Variants in CFAP299 observed in about 807,000 individuals in gnomAD.
CFAP299 encodes the protein cilia and flagella associated protein 299.
Under a neutral mutation model 27.0 loss-of-function variants are expected in CFAP299, and 21 were observed. That is an observed-to-expected ratio of 0.78 (90% confidence interval 0.55 to 1.12). The LOEUF (loss-of-function observed/expected upper bound fraction) is 1.12, where lower values mean the gene tolerates loss of function less well. Among genes scored for constraint, CFAP299 ranks in the 50% most tolerant of loss-of-function variants. The pLI, the probability that CFAP299 is intolerant of heterozygous loss-of-function variation, is 0.00. For missense variants in CFAP299, 310 were observed against 276.6 expected (o/e 1.12, Z -0.86); for synonymous variants, 104 against 98.1 (o/e 1.06, Z -0.36).
At chr4:80,861,640 G>T (rs976017876) in intron 3 of CFAP299, among the ~76,000 whole-genome samples, 36 of 152,218 alleles carry the variant, frequency 2.4e-4, no homozygotes, top group African/African-American at 7.7e-4. Flanking sequence ...GTTTTGCTTA[G>T]AATTTCAGCA....
At chr4:80,512,163 TA>T (rs1006036542) in intron 2 of CFAP299, among the ~76,000 whole-genome samples, 3 of 152,102 alleles carry the variant, frequency 2.0e-5, no homozygotes, top group South Asian at 2.1e-4. Flanking sequence ...GAGGAAATAG[TA>T]AAAAATCAAT....
intron 1 of CFAP299, among the ~76,000 whole-genome samples, chr4:80,347,699 A>G (rs114759030): frequency 0.012 from 1,902 of 152,326 alleles, 37 homozygotes; most frequent in African/African-American, 0.041. Context: ...AAAAATGGCC[A>G]TGCTGCCCAA....
chr4:80,683,465 T>C (rs955024615), intron 3 of CFAP299, among the ~76,000 whole-genome samples: 3 of 152,228 alleles, frequency 2.0e-5, no homozygotes, highest in African/African-American at 7.2e-5. Flanking sequence ...CTGATATTTA[T>C]TTTATAACAT....
chr4:80,691,740 G>A (rs974538252), intron 3 of CFAP299, among the ~76,000 whole-genome samples: 7 of 150,688 alleles, frequency 4.6e-5, no homozygotes, highest in South Asian at 2.1e-4. Flanking sequence ...ATTAGGAAAA[G>A]AGGAAGTCAA....
intron 1 of CFAP299, among the ~76,000 whole-genome samples, chr4:80,356,270 T>C (rs1265513587): frequency 6.6e-6 from 1 of 152,246 alleles, no homozygotes; most frequent in Non-Finnish European, 1.5e-5. Context: ...GGTACCGTGA[T>C]GCCTCCAGCT....
At chr4:80,834,716 C>T (rs1052559400) in intron 3 of CFAP299, among the ~76,000 whole-genome samples, 6 of 152,072 alleles carry the variant, frequency 3.9e-5, no homozygotes, top group East Asian at 1.9e-4. Context: ...TCCTGGTAGT[C>T]GGCGGACAGG....
At chr4:80,355,448 C>T (rs559050685) in intron 1 of CFAP299, among the ~76,000 whole-genome samples, 2 of 148,682 alleles carry the variant, frequency 1.3e-5, no homozygotes, top group South Asian at 4.3e-4. Flanking sequence ...ACCTCCGCCT[C>T]CCGGGTTCGA....
intron 3 of CFAP299, among the ~76,000 whole-genome samples, chr4:80,769,389 A>G (rs1414254824): frequency 1.3e-5 from 2 of 152,052 alleles, no homozygotes; most frequent in Non-Finnish European, 1.5e-5. Flanking sequence ...AATGGCTTAT[A>G]TAATTCCTAT....
intron 2 of CFAP299, among the ~76,000 whole-genome samples, chr4:80,508,286 AAT>A (rs1376217280): frequency 6.6e-6 from 1 of 152,130 alleles, no homozygotes; most frequent in Non-Finnish European, 1.5e-5. Flanking sequence ...TCAATGATAA[AAT>A]TGTGCTATAC....
chr4:80,559,063 G>A (rs1359831330), intron 2 of CFAP299, among the ~76,000 whole-genome samples: 1 of 152,160 alleles, frequency 6.6e-6, no homozygotes, highest in Admixed American at 6.6e-5. Flanking sequence ...CTTGGCTGGG[G>A]TAGCTTGTTT....
chr4:80,799,346 T>G (rs1217025946), intron 3 of CFAP299, among the ~76,000 whole-genome samples: 1 of 96,548 alleles, frequency 1.0e-5, no homozygotes, highest in Non-Finnish European at 1.8e-5. Flanking sequence ...TTTATATATA[T>G]AAATGTATTT....
At chr4:80,425,850 G>T (rs1398103039) in intron 2 of CFAP299, among the ~76,000 whole-genome samples, 1 of 152,206 alleles carries the variant, frequency 6.6e-6, no homozygotes, top group African/African-American at 2.4e-5. Context: ...ACTGGGGAAT[G>T]ATTATAGTCT....
the CFAP299 span, among the ~76,000 whole-genome samples, chr4:80,327,895 AG>A: frequency 6.6e-6 from 1 of 151,686 alleles, no homozygotes; most frequent in East Asian, 1.9e-4. Context: ...GGAATTAAAA[AG>A]TTACACTAAT....
At chr4:80,865,219 G>A (rs560620480) in intron 3 of CFAP299, among the ~76,000 whole-genome samples, 1 of 152,282 alleles carries the variant, frequency 6.6e-6, no homozygotes, top group Admixed American at 6.5e-5. Flanking sequence ...ACTTCACTCA[G>A]AATATAGTGG....
chr4:80,808,503 TA>T (rs1728977841), intron 3 of CFAP299, among the ~76,000 whole-genome samples: 1 of 152,130 alleles, frequency 6.6e-6, no homozygotes, highest in African/African-American at 2.4e-5. Context: ...CAAAATGCCC[TA>T]AAATACATTC....
At chr4:80,908,321 A>G (rs1395232936) in intron 4 of CFAP299, among the ~76,000 whole-genome samples, 2 of 152,206 alleles carry the variant, frequency 1.3e-5, no homozygotes, top group East Asian at 3.8e-4. Context: ...ACAGAATACA[A>G]AGTCTGTAAC....
intron 3 of CFAP299, among the ~76,000 whole-genome samples, chr4:80,734,414 G>GT (rs759266479): frequency 1.3e-5 from 2 of 151,998 alleles, no homozygotes; most frequent in Non-Finnish European, 2.9e-5. Context: ...CATTCTGTGG[G>GT]TTGTCTCTTC....
At chr4:80,452,778 C>G (rs530888099) in intron 2 of CFAP299, among the ~76,000 whole-genome samples, 25 of 152,250 alleles carry the variant, frequency 1.6e-4, no homozygotes, top group Non-Finnish European at 1.0e-4. Context: ...GGATATGATA[C>G]ATTTCCCCAA....
chr4:80,921,323 G>A (rs1736032991), intron 4 of CFAP299, among the ~76,000 whole-genome samples: 1 of 152,072 alleles, frequency 6.6e-6, no homozygotes, highest in Non-Finnish European at 1.5e-5. Context: ...AGATAGATAT[G>A]TTCAGTGTGT....
Sources: allele counts gnomAD v4.1 joint callset (sites outside exome capture counted in the v4.1 genomes callset), GRCh38; gene constraint gnomAD v4.1.1; transcripts MANE v1.5; gene names NCBI Gene and HGNC (gene_info 2026-07-23, HGNC 2026-07-21).